CHCHD6: variants seen among roughly 807,000 people sequenced by gnomAD.
CHCHD6 encodes the protein coiled-coil-helix-coiled-coil-helix domain containing 6, also known as MICOS complex subunit MIC25.
A neutral mutation model predicts 32.3 loss-of-function variants in CHCHD6; 28 were observed. That is an observed-to-expected ratio of 0.87 (90% CI 0.64 to 1.19). The LOEUF is 1.19. Ranked by LOEUF, CHCHD6 falls within the 50% of genes most tolerant of loss-of-function variation. CHCHD6 has a pLI of 0.00. For synonymous variants in CHCHD6, 122 were observed against 117.5 expected, an observed-to-expected ratio of 1.04 and a Z score of -0.25; for missense variants, 333 against 307.0, an observed-to-expected ratio of 1.08 and a Z score of -0.63.
At chr3:126,714,760 T>G (rs1298799675) in intron 1 of CHCHD6, among the ~76,000 whole-genome samples, 1 of 152,142 alleles carries the variant, frequency 6.6e-6, no homozygotes, top group Non-Finnish European at 1.5e-5. Flanking sequence ...AACACTGCGT[T>G]GAGTGGATGG....
chr3:126,891,016 A>G lies in CHCHD6; in HGVS notation c.496-23664A>G, dbSNP rs78002029. Reference sequence around the variant, plus strand: ...CAATTTGGCCAGAGGGTGGATTGGGATGGGGTGAATTTTTAGTAGCTACTG... The same window carrying G: ...CAATTTGGCCAGAGGGTGGATTGGGGTGGGGTGAATTTTTAGTAGCTACTG... On this transcript the variant is annotated intron_variant, in intron 5 of 7. Transcript: ENST00000290913. Among the ~76,000 whole-genome samples the G allele has an allele frequency of 6.2e-3, 941 of 152,226 alleles. 29 individuals carry two copies. The highest frequency in any genetic ancestry group is 0.049 in the Admixed American group (745 of 15,294).
intron 1 of CHCHD6, among the ~76,000 whole-genome samples, chr3:126,710,301 A>G (rs1209580193): frequency 6.6e-6 from 1 of 152,136 alleles, no homozygotes; most frequent in Non-Finnish European, 1.5e-5. Context: ...ATTGATCTTT[A>G]TGTCTGTCCT....
chr3:126,810,318 G>A (rs1178690446), intron 4 of CHCHD6, among the ~76,000 whole-genome samples: 1 of 152,188 alleles, frequency 6.6e-6, no homozygotes, highest in Non-Finnish European at 1.5e-5. Context: ...ATATGGAGGA[G>A]GTACGTGTGC....
intron 1 of CHCHD6, among the ~76,000 whole-genome samples, chr3:126,717,275 G>A (rs1475853976): frequency 1.3e-5 from 2 of 152,244 alleles, no homozygotes; most frequent in Middle Eastern, 3.4e-3. Flanking sequence ...TAGTAAGGTG[G>A]CACAACTCAG....
chr3:126,957,747 C>T (rs1156451894), intron 7 of CHCHD6, 196 bp downstream of exon 7: 8 of 682,202 alleles, frequency 1.2e-5, no homozygotes, highest in African/African-American at 7.1e-5. Flanking sequence ...CTTCCAGGAG[C>T]GCCTTGGACA....
intron 4 of CHCHD6, among the ~76,000 whole-genome samples, chr3:126,754,581 C>T (rs1377101735): frequency 6.6e-6 from 1 of 152,198 alleles, no homozygotes. Flanking sequence ...CAGGAACATT[C>T]TTTCTTTTCC....
At chr3:126,854,486 T>C (rs1191212069) in intron 5 of CHCHD6, among the ~76,000 whole-genome samples, 1 of 152,182 alleles carries the variant, frequency 6.6e-6, no homozygotes, top group Non-Finnish European at 1.5e-5. Flanking sequence ...TGTATTAGTT[T>C]TGAAAAAGGT....
chr3:126,709,917 T>C (rs1034318393), intron 1 of CHCHD6, among the ~76,000 whole-genome samples: 3 of 152,214 alleles, frequency 2.0e-5, no homozygotes, highest in African/African-American at 7.2e-5. Context: ...TGCCATTTTA[T>C]AAAAGGGACT....
chr3:126,705,325 G>A (rs1934431844), intron 1 of CHCHD6, among the ~76,000 whole-genome samples: 1 of 152,200 alleles, frequency 6.6e-6, no homozygotes, highest in South Asian at 2.1e-4. Flanking sequence ...TGAGGCTAAG[G>A]TTCCTGTCTG....
chr3:126,891,871 G>A (rs1293506108), intron 5 of CHCHD6, among the ~76,000 whole-genome samples: 1 of 152,146 alleles, frequency 6.6e-6, no homozygotes, highest in South Asian at 2.1e-4. Context: ...ATGTGAGTTG[G>A]AGCTAGCTGT....
At chr3:126,892,916 G>GT (rs2077784056) in intron 5 of CHCHD6, among the ~76,000 whole-genome samples, 2 of 152,180 alleles carry the variant, frequency 1.3e-5, no homozygotes, top group African/African-American at 4.8e-5. Context: ...CTCTTCAGCT[G>GT]TTTTTTTGTT....
intron 1 of CHCHD6, among the ~76,000 whole-genome samples, chr3:126,716,063 G>C (rs1416454815): frequency 6.6e-6 from 1 of 152,130 alleles, no homozygotes; most frequent in Non-Finnish European, 1.5e-5. Flanking sequence ...CCTGCTACCA[G>C]CCCCTTCGTG....
At position 126,956,666 on chromosome 3, in the gene CHCHD6, A is replaced by G. The variant is rs779170250; in HGVS notation, c.567-750A>G. On this transcript the variant is annotated intron_variant, in intron 6 of 7. Coordinates refer to ENST00000290913, the MANE Select transcript of CHCHD6 (RefSeq NM_032343.3). ...GACCAACCAATCCAAAATTACGCTC[A>G]GGAGGCTGGGCCAGTGACTGACTTT... 6.1e-4 allele frequency among the ~76,000 whole-genome samples: 93 copies of G among 152,240 alleles called. 1 individual carries two copies. Among genetic ancestry groups the G allele is most frequent in the Non-Finnish European group, 1.1e-3 (72 of 68,030 alleles).
intron 4 of CHCHD6, among the ~76,000 whole-genome samples, chr3:126,745,322 G>A (rs1449999570): frequency 1.3e-5 from 2 of 152,200 alleles, no homozygotes; most frequent in African/African-American, 2.4e-5. Flanking sequence ...CCCAGGTACT[G>A]TCTCTGTGAC....
chr3:126,747,899 C>A (rs1482774005), intron 4 of CHCHD6, among the ~76,000 whole-genome samples: 11 of 152,180 alleles, frequency 7.2e-5, no homozygotes, highest in Admixed American at 7.2e-4. Context: ...TCATGCAGTT[C>A]GTGCTCTCTG....
intron 6 of CHCHD6, among the ~76,000 whole-genome samples, chr3:126,919,317 C>CTTT (rs756862821): frequency 1.8e-4 from 12 of 68,146 alleles, no homozygotes; most frequent in Admixed American, 8.6e-4. Context: ...TTTCTTTTTT[C>CTTT]TTTTTTTTTT....
chr3:126,771,824 T>A (rs1937548164), intron 4 of CHCHD6, among the ~76,000 whole-genome samples: 2 of 152,368 alleles, frequency 1.3e-5, no homozygotes, highest in Admixed American at 1.3e-4. Flanking sequence ...TGAGAGATTC[T>A]GGTATGTTGT....
intron 4 of CHCHD6, among the ~76,000 whole-genome samples, chr3:126,746,696 G>C (rs928533822): frequency 6.6e-6 from 1 of 152,238 alleles, no homozygotes; most frequent in African/African-American, 2.4e-5. Context: ...ATTTCAAGCA[G>C]CCGCGAGGCG....
At chr3:126,958,719 C>T (rs2107611502) in intron 7 of CHCHD6, among the ~76,000 whole-genome samples, 1 of 152,352 alleles carries the variant, frequency 6.6e-6, no homozygotes, top group African/African-American at 2.4e-5. Context: ...TGTCAGCCTT[C>T]CAAGAGAGGG....
Sources: gnomAD v4.1 joint callset for allele counts (sites outside exome capture counted in the v4.1 genomes callset) on GRCh38, gnomAD v4.1.1 for gene constraint, MANE v1.5 for transcripts, NCBI Gene and HGNC (gene_info 2026-07-23, HGNC 2026-07-21) for gene names.